NEGR1: variants seen among roughly 807,000 people sequenced by gnomAD.
NEGR1 encodes neuronal growth regulator 1.
NEGR1 carries 10 observed loss-of-function variants against 40.9 expected under a neutral mutation model. The ratio of observed to expected loss-of-function variants is 0.24; its 90% CI spans 0.15 to 0.42. The LOEUF is 0.42. Among genes scored for constraint, NEGR1 ranks in the 10% least tolerant of loss-of-function variants. The pLI is 1.00. For synonymous variants in NEGR1, 185 were observed against 166.8 expected (o/e 1.11, Z -0.84); for missense variants, 352 against 438.9 (o/e 0.80, Z 1.77).
intron 1 of NEGR1, among the ~76,000 whole-genome samples, chr1:72,194,021 C>T (rs1217722688): frequency 6.6e-6 from 1 of 151,432 alleles, no homozygotes; most frequent in African/African-American, 2.4e-5. Context: ...CAACTTTATA[C>T]AAAATTTTAA....
At chr1:72,245,657 T>G (rs978194527) in intron 1 of NEGR1, among the ~76,000 whole-genome samples, 3 of 152,176 alleles carry the variant, frequency 2.0e-5, no homozygotes, top group African/African-American at 7.2e-5. Flanking sequence ...TTTAGAAGAT[T>G]CAAACACTAA....
chr1:71,999,186 G>A (rs898958018), intron 1 of NEGR1, among the ~76,000 whole-genome samples: 5 of 151,830 alleles, frequency 3.3e-5, no homozygotes, highest in African/African-American at 1.2e-4. Context: ...GGGCTGAAAA[G>A]GAATATAAGA....
chr1:71,469,665 A>G (rs1229272791), intron 6 of NEGR1, among the ~76,000 whole-genome samples: 7 of 152,062 alleles, frequency 4.6e-5, no homozygotes, highest in Non-Finnish European at 1.0e-4. Context: ...AGTGAAAGGG[A>G]CAACTTATGA....
chr1:71,579,885 T>G (rs1170652234), intron 6 of NEGR1, among the ~76,000 whole-genome samples: 1 of 152,074 alleles, frequency 6.6e-6, no homozygotes, highest in Non-Finnish European at 1.5e-5. Context: ...TAGGAAAAAA[T>G]GAATGATATT....
chr1:71,737,005 G>A (rs920216374), intron 3 of NEGR1, among the ~76,000 whole-genome samples: 4 of 152,182 alleles, frequency 2.6e-5, no homozygotes, highest in Admixed American at 1.3e-4. Context: ...AAAGTTGGGT[G>A]CTTCCTAAAA....
intron 2 of NEGR1, among the ~76,000 whole-genome samples, chr1:71,876,864 A>C (rs1660446464): frequency 6.6e-6 from 1 of 152,126 alleles, no homozygotes; most frequent in Admixed American, 6.6e-5. Context: ...AGGAAGGATG[A>C]GTGATCGAAT....
At chr1:71,863,972 A>G (rs1660031100) in intron 2 of NEGR1, among the ~76,000 whole-genome samples, 1 of 152,148 alleles carries the variant, frequency 6.6e-6, no homozygotes, top group Non-Finnish European at 1.5e-5. Flanking sequence ...TTATAGATTT[A>G]AAAAAACTGA....
rs574401707 is a variant in NEGR1 at position 71,418,596 on chromosome 1, C to T, written c.941-11026G>A. 4.7e-3 allele frequency among the ~76,000 whole-genome samples: 723 copies of T among 152,242 alleles called. 8 individuals carry two copies. Among genetic ancestry groups the T allele is most frequent in the African/African-American group, 0.017 (696 of 41,548 alleles). On this transcript the variant is annotated intron_variant, in intron 6 of 6. Transcript: ENST00000357731. ...CTCTTTTACTTGGAATTACCTTCTT[C>T]TACTTCCTCCCAATTCTCCCTCCTC... is the stretch of plus-strand genomic sequence containing the variant.
chr1:72,165,707 A>T (rs1651740795), intron 1 of NEGR1, among the ~76,000 whole-genome samples: 1 of 152,048 alleles, frequency 6.6e-6, no homozygotes, highest in Non-Finnish European at 1.5e-5. Context: ...CATTCTCGGC[A>T]TCTAAATACT....
chr1:71,461,199 G>A (rs1345406854), intron 6 of NEGR1, among the ~76,000 whole-genome samples: 1 of 152,132 alleles, frequency 6.6e-6, no homozygotes, highest in African/African-American at 2.4e-5. Flanking sequence ...ATAAAGGGAA[G>A]CTGTTCCAAG....
chr1:71,877,281 C>G (rs957208744), intron 2 of NEGR1, among the ~76,000 whole-genome samples: 1 of 152,098 alleles, frequency 6.6e-6, no homozygotes, highest in Non-Finnish European at 1.5e-5. Flanking sequence ...TCTATAGGGA[C>G]TATTAGTAGT....
intron 1 of NEGR1, among the ~76,000 whole-genome samples, chr1:72,152,711 T>G (rs1039535288): frequency 2.0e-5 from 3 of 151,942 alleles, no homozygotes; most frequent in Admixed American, 2.0e-4. Context: ...AGCAAAGATG[T>G]GGAATCAACC....
intron 1 of NEGR1, among the ~76,000 whole-genome samples, chr1:71,970,660 C>T (rs1041282273): frequency 3.3e-5 from 5 of 152,022 alleles, no homozygotes; most frequent in African/African-American, 1.2e-4. Flanking sequence ...TGCAATCCAC[C>T]CTGGGCAACA....
chr1:71,751,941 T>A lies in NEGR1; in HGVS notation c.535+24231A>T, dbSNP rs546615024. 2.0e-5 allele frequency among the ~76,000 whole-genome samples: 3 copies of A among 152,310 alleles called. No individual in the cohort carries two copies. The East Asian group carries it at 5.8e-4, about 29-fold the overall frequency. ...ATATGAAATTTTAAAGTCATAGAAT[T>A]TGCTGGAAATGTAGTGGTCATCTGG... On this transcript the variant is annotated intron_variant, in intron 3 of 6. Transcript: ENST00000357731.
chr1:72,048,359 A>G, intron 1 of NEGR1, among the ~76,000 whole-genome samples: 1 of 149,328 alleles, frequency 6.7e-6, no homozygotes, highest in South Asian at 2.1e-4. Flanking sequence ...TGAAGTCTCT[A>G]CTAAATAAAT....
Position 71,995,292 on chromosome 1 carries a change from A to C in NEGR1, c.177-59981T>G, listed in dbSNP as rs528121552. On this transcript the variant is annotated intron_variant, in intron 1 of 6. Transcript: ENST00000357731. Reference sequence around the variant, plus strand: ...CAACTCAATTAATGGGAGAATTGACAACTTAAACCCCTTCGTGCCATGTCT... The same window carrying C: ...CAACTCAATTAATGGGAGAATTGACCACTTAAACCCCTTCGTGCCATGTCT... Among the ~76,000 whole-genome samples the C allele has an allele frequency of 2.0e-5, 3 of 152,326 alleles. No individual in the cohort carries two copies. In the East Asian group the frequency reaches 5.8e-4, roughly 29 times the overall value.
At chr1:71,707,112 A>C (rs148436266) in intron 3 of NEGR1, among the ~76,000 whole-genome samples, 44 of 130,510 alleles carry the variant, frequency 3.4e-4, no homozygotes, top group African/African-American at 1.2e-3. Context: ...AGAGTGCTTG[A>C]GAAAAGCAAA....
chr1:71,526,622 C>T (rs1360769455), intron 6 of NEGR1, among the ~76,000 whole-genome samples: 1 of 151,428 alleles, frequency 6.6e-6, no homozygotes, highest in Non-Finnish European at 1.5e-5. Flanking sequence ...GATATGTTTG[C>T]CGTTGCAATA....
chr1:71,864,635 A>G (rs998715435), intron 2 of NEGR1, among the ~76,000 whole-genome samples: 3 of 152,274 alleles, frequency 2.0e-5, no homozygotes, highest in Non-Finnish European at 2.9e-5. Flanking sequence ...GACAGAAATT[A>G]AACAAAATTC....
Sources: gnomAD v4.1 joint callset for allele counts (sites outside exome capture counted in the v4.1 genomes callset) on GRCh38, gnomAD v4.1.1 for gene constraint, MANE v1.5 for transcripts, NCBI Gene and HGNC (gene_info 2026-07-23, HGNC 2026-07-21) for gene names.